LIPG: variants seen among roughly 807,000 people sequenced by gnomAD.
LIPG encodes endothelial lipase.
A neutral mutation model predicts 51.8 loss-of-function variants in LIPG; 34 were observed. The observed-to-expected ratio is 0.66, with a 90% CI of 0.50 to 0.87. The LOEUF (loss-of-function observed/expected upper bound fraction) is 0.87, where lower values mean the gene tolerates loss of function less well. Ranked by LOEUF, LIPG falls within the 40% of genes least tolerant of loss-of-function variation. The pLI, the probability that LIPG is intolerant of heterozygous loss-of-function variation, is 0.00. For synonymous variants in LIPG, 246 were observed against 246.1 expected, an observed-to-expected ratio of 1.00 and a Z score of 0.00; for missense variants, 580 against 652.7, an observed-to-expected ratio of 0.89 and a Z score of 1.21.
chr18:49,579,691 G>C (rs2084792461), intron 5 of LIPG, among the ~76,000 whole-genome samples: 1 of 151,934 alleles, frequency 6.6e-6, no homozygotes, highest in Admixed American at 6.6e-5. Flanking sequence ...AGGGTTTGGA[G>C]GTCCATGCAA....
intron 1 of LIPG, among the ~76,000 whole-genome samples, chr18:49,564,361 G>A (rs117974940): frequency 0.012 from 1,873 of 152,288 alleles, 18 homozygotes; most frequent in Non-Finnish European, 0.017. Flanking sequence ...TTTCTGAAAC[G>A]GTGTCATGAT....
intron 5 of LIPG, 121 bp from the exon 6 acceptor site, chr18:49,581,294 T>C: frequency 7.1e-7 from 1 of 1,415,968 alleles, no homozygotes; most frequent in South Asian, 1.2e-5. Flanking sequence ...AAGAATTACA[T>C]GAAAATACTA....
rs1282233980 is a variant in LIPG, at chr18:49,595,982, T to C, written c.*5460T>C. ...TTGACAAAGAGAAACAAAATTAGATTCCTATTTTAACACGCAACAAAGATG... is the reference window on the plus strand; with the variant it reads ...TTGACAAAGAGAAACAAAATTAGATCCCTATTTTAACACGCAACAAAGATG... On this transcript the variant is annotated 3_prime_UTR_variant, in exon 10 of 10. Coordinates refer to ENST00000261292, the MANE Select transcript of LIPG (RefSeq NM_006033.4). 2 of 152,160 alleles carry C rather than the reference T, an allele frequency of 1.3e-5. No individual in the cohort carries two copies. Among genetic ancestry groups the C allele is most frequent in the Admixed American group, 1.3e-4 (2 of 15,260 alleles). 9.4% of individuals were successfully genotyped at this position (152,160 alleles called of 1,614,324 possible).
chr18:49,562,297 T>C lies in LIPG; in HGVS notation c.-12T>C. ...AACTTCTGTTTCTTGGGAGGGGGTG[T>C]GGCGGGGCAGGATGAGCAACTCCGT... is the stretch of plus-strand genomic sequence containing the variant. On this transcript the variant is annotated 5_prime_UTR_variant, in exon 1 of 10. Transcript: ENST00000261292. 2.5e-6 allele frequency: 4 copies of C among 1,611,094 alleles called. No individual in the cohort carries two copies. In the East Asian group the frequency reaches 8.9e-5, roughly 36 times the overall value.
intron 4 of LIPG, 101 bp downstream of exon 4, chr18:49,569,649 A>G: frequency 1.1e-6 from 1 of 941,270 alleles, no homozygotes; most frequent in Non-Finnish European, 1.7e-6. Context: ...TAGCTTTGGA[A>G]GGAACCTGGA....
rs1358965896 is a variant in LIPG at position 49,581,755 on chromosome 18, T to G, written c.1036+98T>G. ...AGGGCACATCCTAGCCCAGGAGAAG[T>G]GGCCAGCACAATCCAATCAAATCGT... is the stretch of plus-strand genomic sequence containing the variant. On this transcript the variant is annotated intron_variant, in intron 6 of 9. Coordinates refer to ENST00000261292, the MANE Select transcript of LIPG (RefSeq NM_006033.4). 2.8e-6 allele frequency: 4 copies of G among 1,434,778 alleles called. No homozygotes were observed. In the African/African-American group the frequency reaches 5.6e-5, roughly 20 times the overall value. The allele number at this position is 1,434,778 out of a possible 1,614,324, so 88.9% of individuals were successfully genotyped here.
Position 49,575,392 on chromosome 18 carries a change from T to G in LIPG, c.595T>G (p.Phe199Val). ...ITGLDPAGPM[F>V]EGADIHKRLS... ...AGGTTTGGATCCTGCCGGGCCCATG[T>G]TTGAAGGGGCCGACATCCACAAGAG... The change falls in exon 5 of 10, where the codon TTT becomes GTT. Residue 199 changes from phenylalanine to valine, a missense_variant. Coordinates refer to ENST00000261292, the MANE Select transcript of LIPG (RefSeq NM_006033.4). The G allele has an allele frequency of 6.2e-7, 1 of 1,613,190 alleles. No individual in the cohort carries two copies. The highest frequency in any genetic ancestry group is 8.5e-7 in the Non-Finnish European group (1 of 1,180,020).
intron 8 of LIPG, 40 bp from the exon 9 acceptor site, chr18:49,586,705 CT>C: frequency 6.9e-7 from 1 of 1,439,092 alleles, no homozygotes; most frequent in Non-Finnish European, 9.8e-7. Context: ...TGGATTCCCC[CT>C]AAAGTTCTGC....
Position 49,597,976 on chromosome 18 carries a change from G to T in LIPG, c.*7454G>T, listed in dbSNP as rs2084991319. 6.6e-6 allele frequency: 1 copy of T among 152,198 alleles called. No individual in the cohort carries two copies. The highest frequency in any genetic ancestry group is 1.5e-5 in the Non-Finnish European group (1 of 68,046). 9.4% of individuals were successfully genotyped at this position (152,198 alleles called of 1,614,324 possible). A position where few individuals can be genotyped will look rare whatever the true frequency, so the allele number is the denominator to read the frequency against. On this transcript the variant is annotated 3_prime_UTR_variant, in exon 10 of 10. Transcript: ENST00000261292. Reference sequence around the variant, plus strand: ...TCAAAGCCTCAACTATTTATTGTGAGGGAGATAATTCATTTTCATTTTCCT... The same window carrying T: ...TCAAAGCCTCAACTATTTATTGTGATGGAGATAATTCATTTTCATTTTCCT...
rs1032006101 is a variant in LIPG at position 49,579,807 on chromosome 18, T to C, written c.794-1608T>C. 3.8e-3 allele frequency among the ~76,000 whole-genome samples: 512 copies of C among 135,076 alleles called. 12 individuals carry two copies. Among genetic ancestry groups the C allele is most frequent in the African/African-American group, 0.014 (434 of 31,262 alleles). The allele number at this position is 135,076 out of a possible 152,430, so 88.6% of individuals were successfully genotyped here. On this transcript the variant is annotated intron_variant, in intron 5 of 9. Transcript: ENST00000261292. ...TCTTTTCTTTTCTTTTCTTTTCTTT[T>C]CTTTTCTTTTCTTTACTTTACTTTT...
upstream of LIPG, chr18:49,561,884 C>T: frequency 7.8e-7 from 1 of 1,274,666 alleles, no homozygotes; most frequent in Non-Finnish European, 9.9e-7. Flanking sequence ...CGTGCGGCGT[C>T]CACGCGGTGA....
chr18:49,586,970 C>T (rs1197442379), intron 9 of LIPG, 120 bp downstream of exon 9: 1 of 785,722 alleles, frequency 1.3e-6, no homozygotes, highest in Admixed American at 2.0e-5. Context: ...ATAAAAATCT[C>T]TTCCTTTAAG....
At chr18:49,577,992 C>T (rs1287888499) in intron 5 of LIPG, among the ~76,000 whole-genome samples, 2 of 141,516 alleles carry the variant, frequency 1.4e-5, no homozygotes, top group Non-Finnish European at 3.1e-5. Context: ...CACCTCCCTC[C>T]CGGACGGCAC....
intron 6 of LIPG, 77 bp downstream of exon 6, chr18:49,581,734 C>T: frequency 6.4e-7 from 1 of 1,557,164 alleles, no homozygotes; most frequent in South Asian, 1.1e-5. Context: ...CAGAGCAGGG[C>T]ACATCCTAGC....
chr18:49,577,641 A>C (rs868657916), intron 5 of LIPG, among the ~76,000 whole-genome samples: 2 of 137,138 alleles, frequency 1.5e-5, no homozygotes, highest in Admixed American at 7.0e-5. Flanking sequence ...CTGGCCGGGC[A>C]GGGGGCTGAC....
At chr18:49,561,856 G>A (rs2084552793), upstream of LIPG, 1 of 1,264,248 alleles carries the variant, frequency 7.9e-7, no homozygotes, top group Non-Finnish European at 9.9e-7. Flanking sequence ...AGCGGGCCCG[G>A]GAGGAAGCGG....
rs139058834 is a variant in LIPG, at chr18:49,584,549, G to A, written c.1376+775G>A. 5.1e-3 allele frequency among the ~76,000 whole-genome samples: 775 copies of A among 152,296 alleles called. 9 individuals carry two copies. The highest frequency in any genetic ancestry group is 0.018 in the African/African-American group (740 of 41,548). On this transcript the variant is annotated intron_variant, in intron 8 of 9. Transcript: ENST00000261292. ...GAGGTCACTGCCAGCCTTGGCATGG[G>A]AGGAGGCAGCTGCCTCCCTCTTTGT...
Position 49,581,429 on chromosome 18 carries a change from G to A in LIPG, c.808G>A (p.Val270Ile). The change falls in exon 6 of 10, where the codon GTA becomes ATA. Residue 270 changes from valine to isoleucine, a missense_variant. Val to Ile is a conservative substitution (Grantham distance 29, BLOSUM62 3). Transcript: ENST00000261292. Reference protein sequence around the residue: ...SIAYGTITEVVKCEHERAVHL... With the variant: ...SIAYGTITEVIKCEHERAVHL... ...CCCACCCCCAGCAATCACAGAGGTGGTAAAATGTGAGCATGAGCGAGCCGT... is the reference window on the plus strand; with the variant it reads ...CCCACCCCCAGCAATCACAGAGGTGATAAAATGTGAGCATGAGCGAGCCGT... 1 of 1,614,192 alleles carries A rather than the reference G, an allele frequency of 6.2e-7. No homozygotes were observed. The highest frequency in any genetic ancestry group is 8.5e-7 in the Non-Finnish European group (1 of 1,180,054).
At chr18:49,581,286 G>C in intron 5 of LIPG, 129 bp from the exon 6 acceptor site, 1 of 1,375,244 alleles carries the variant, frequency 7.3e-7, no homozygotes, top group East Asian at 2.3e-5. Context: ...ACAAGCAAAA[G>C]AATTACATGA....
Sources: allele counts gnomAD v4.1 joint callset (sites outside exome capture counted in the v4.1 genomes callset), GRCh38; gene constraint gnomAD v4.1.1; transcripts MANE v1.5; gene names NCBI Gene and HGNC (gene_info 2026-07-23, HGNC 2026-07-21).